Variants in MDGA2 observed in about 807,000 individuals in gnomAD.
MDGA2 encodes MAM domain-containing glycosylphosphatidylinositol anchor protein 2.
MDGA2 carries 40 observed loss-of-function variants against 117.8 expected under a neutral mutation model. The observed-to-expected ratio is 0.34, with a 90% CI of 0.26 to 0.44. MDGA2 has a LOEUF of 0.44. Ranked by LOEUF, MDGA2 falls within the 20% of genes least tolerant of loss-of-function variation. The pLI is 1.00. For missense variants in MDGA2, 1,123 were observed against 1,250.6 expected (o/e 0.90, Z 1.54); for synonymous variants, 452 against 439.0 (o/e 1.03, Z -0.37).
In MDGA2 at chr14:47,446,427, A is replaced by G. The variant is rs138665324; in HGVS notation, c.281-144877T>C. 2.4e-3 allele frequency among the ~76,000 whole-genome samples: 360 copies of G among 152,294 alleles called. 1 individual carries two copies. Among genetic ancestry groups the G allele is most frequent in the African/African-American group, 8.1e-3 (336 of 41,572 alleles). On this transcript the variant is annotated intron_variant, in intron 1 of 16. Transcript: ENST00000399232. ...TTACAGCTCATAAAAGCCTAAACAGAGAGCTACAGCTTAAACAGTCATATT... is the reference window on the plus strand; with the variant it reads ...TTACAGCTCATAAAAGCCTAAACAGGGAGCTACAGCTTAAACAGTCATATT...
At chr14:47,405,907 A>G (rs1892250898) in intron 1 of MDGA2, among the ~76,000 whole-genome samples, 1 of 152,184 alleles carries the variant, frequency 6.6e-6, no homozygotes. Flanking sequence ...TGTACAGTTA[A>G]TATTTGAATA....
At chr14:47,021,576 G>A (rs1274114859) in intron 8 of MDGA2, among the ~76,000 whole-genome samples, 1 of 151,996 alleles carries the variant, frequency 6.6e-6, no homozygotes, top group African/African-American at 2.4e-5. Context: ...TTTTAACACA[G>A]ATAACTTGTT....
intron 3 of MDGA2, among the ~76,000 whole-genome samples, chr14:47,180,620 A>T (rs1441897622): frequency 6.6e-6 from 1 of 152,152 alleles, no homozygotes; most frequent in Admixed American, 6.6e-5. Flanking sequence ...TCAAAATTAC[A>T]ATGAAATACC....
intron 4 of MDGA2, among the ~76,000 whole-genome samples, chr14:47,139,046 G>A (rs766384304): frequency 4.6e-5 from 7 of 151,828 alleles, no homozygotes; most frequent in Non-Finnish European, 7.4e-5. Flanking sequence ...TATAATGAAT[G>A]GGTATACAAA....
chr14:47,431,595 A>G (rs2138528024), intron 1 of MDGA2, among the ~76,000 whole-genome samples: 2 of 152,200 alleles, frequency 1.3e-5, no homozygotes, highest in African/African-American at 4.8e-5. Flanking sequence ...CTGTGCTTTG[A>G]AGAAATTTGA....
At chr14:47,340,196 T>C (rs1041957792) in intron 1 of MDGA2, among the ~76,000 whole-genome samples, 1 of 152,092 alleles carries the variant, frequency 6.6e-6, no homozygotes, top group Non-Finnish European at 1.5e-5. Flanking sequence ...ATCATTTAAT[T>C]TTCTCAGCAC....
chr14:47,411,648 T>C (rs1213406166), intron 1 of MDGA2, among the ~76,000 whole-genome samples: 3 of 151,938 alleles, frequency 2.0e-5, no homozygotes, highest in Admixed American at 2.0e-4. Context: ...AAATGAAAAA[T>C]GTTAACTGGC....
chr14:46,932,360 A>G (rs1348542370), intron 9 of MDGA2, among the ~76,000 whole-genome samples: 1 of 152,130 alleles, frequency 6.6e-6, no homozygotes, highest in African/African-American at 2.4e-5. Flanking sequence ...ATTACATTAT[A>G]TAAACTAATT....
intron 1 of MDGA2, among the ~76,000 whole-genome samples, chr14:47,337,616 T>C (rs532130511): frequency 6.6e-6 from 1 of 151,932 alleles, no homozygotes; most frequent in Middle Eastern, 3.4e-3. Flanking sequence ...TTTTTAGAAA[T>C]AGAGCTGTAA....
In MDGA2 at chr14:47,094,371, A is replaced by T. The variant is rs1295758451; in HGVS notation, c.1195+2483T>A. On this transcript the variant is annotated intron_variant, in intron 6 of 16. Coordinates refer to ENST00000399232, the MANE Select transcript of MDGA2 (RefSeq NM_001113498.3). ...GTCAAAGTTGGAAACTTTCTTTTGTAAGGATACAGGTGAAAACTGTTAGGT... is the reference window on the plus strand; with the variant it reads ...GTCAAAGTTGGAAACTTTCTTTTGTTAGGATACAGGTGAAAACTGTTAGGT... Among the ~76,000 whole-genome samples the T allele has an allele frequency of 4.6e-5, 7 of 152,030 alleles. No homozygotes were observed. The East Asian group carries it at 1.2e-3, about 25-fold the overall frequency.
At chr14:47,210,609 T>A (rs1302525336) in intron 3 of MDGA2, among the ~76,000 whole-genome samples, 1 of 152,216 alleles carries the variant, frequency 6.6e-6, no homozygotes, top group Non-Finnish European at 1.5e-5. Context: ...TACTCTTTCT[T>A]CCTCCAAAGA....
chr14:46,919,387 C>T (rs1884035815), intron 10 of MDGA2, among the ~76,000 whole-genome samples: 1 of 152,186 alleles, frequency 6.6e-6, no homozygotes, highest in Admixed American at 6.5e-5. Flanking sequence ...TAAAGACCTC[C>T]ACTTAAATTT....
At chr14:46,959,376 G>C (rs1254961992) in intron 8 of MDGA2, among the ~76,000 whole-genome samples, 1 of 151,308 alleles carries the variant, frequency 6.6e-6, no homozygotes, top group African/African-American at 2.4e-5. Flanking sequence ...GTATTTGCAT[G>C]TGATATTTTT....
At chr14:47,153,940 A>C (rs941963554) in intron 3 of MDGA2, among the ~76,000 whole-genome samples, 1 of 152,176 alleles carries the variant, frequency 6.6e-6, no homozygotes, top group African/African-American at 2.4e-5. Context: ...GAGTTGTGTC[A>C]GTGGAGTGAT....
At chr14:47,304,323 C>T (rs925850870) in intron 1 of MDGA2, among the ~76,000 whole-genome samples, 16 of 152,262 alleles carry the variant, frequency 1.1e-4, no homozygotes, top group African/African-American at 3.1e-4. Context: ...TGTGGCTAAA[C>T]GAGACCAAAG....
intron 11 of MDGA2, among the ~76,000 whole-genome samples, chr14:46,881,548 A>T (rs1005959617): frequency 6.6e-6 from 1 of 152,180 alleles, no homozygotes; most frequent in African/African-American, 2.4e-5. Context: ...TTACCAATGT[A>T]CCACAATAAT....
intron 6 of MDGA2, among the ~76,000 whole-genome samples, chr14:47,082,909 G>GA (rs145277815): frequency 0.016 from 2,479 of 151,562 alleles, 28 homozygotes; most frequent in Non-Finnish European, 0.026. Flanking sequence ...AGTTTACAAT[G>GA]AAAAAAAATT....
chr14:47,248,978 C>T (rs1361621780), intron 2 of MDGA2, among the ~76,000 whole-genome samples: 1 of 134,792 alleles, frequency 7.4e-6, no homozygotes, highest in Admixed American at 7.6e-5. Context: ...TTCCTTCTCT[C>T]TCTTTCTTTC....
At chr14:47,584,454 T>C (rs1896286237) in intron 1 of MDGA2, among the ~76,000 whole-genome samples, 1 of 151,854 alleles carries the variant, frequency 6.6e-6, no homozygotes, top group South Asian at 2.1e-4. Flanking sequence ...GAACCATAAA[T>C]AAGACAGAGC....
Sources: gnomAD v4.1 joint callset for allele counts (sites outside exome capture counted in the v4.1 genomes callset) on GRCh38, gnomAD v4.1.1 for gene constraint, MANE v1.5 for transcripts, NCBI Gene and HGNC (gene_info 2026-07-23, HGNC 2026-07-21) for gene names.